The following RELN variants were observed in gnomAD, a reference collection of about 807,000 sequenced individuals.
RELN encodes reelin.
In RELN, 108 loss-of-function variants were observed where a neutral mutation model predicts 427.6. The ratio of observed to expected loss-of-function variants is 0.25; its 90% CI spans 0.22 to 0.30. The LOEUF is 0.30. Among genes scored for constraint, RELN ranks in the 10% least tolerant of loss-of-function variants. The probability of loss-of-function intolerance (pLI) is 1.00; values close to 1 mark genes in which losing one functional copy is unlikely to be tolerated. For synonymous variants in RELN, 1,524 were observed against 1,513.4 expected, an observed-to-expected ratio of 1.01 and a Z score of -0.16; for missense variants, 3,715 against 4,302.8, an observed-to-expected ratio of 0.86 and a Z score of 3.82.
intron 3 of RELN, among the ~76,000 whole-genome samples, chr7:103,780,133 T>C (rs1407421934): frequency 6.6e-6 from 1 of 152,240 alleles, no homozygotes; most frequent in Admixed American, 6.5e-5. Flanking sequence ...CTTCTCATCA[T>C]TTCCGTTGGA....
At chr7:103,675,393 CA>C (rs1833494365) in intron 11 of RELN, among the ~76,000 whole-genome samples, 1 of 152,136 alleles carries the variant, frequency 6.6e-6, no homozygotes, top group African/African-American at 2.4e-5. Context: ...AAAGAGGACA[CA>C]AACAAATGGA....
At chr7:103,866,067 T>C (rs1294204913) in intron 2 of RELN, among the ~76,000 whole-genome samples, 1 of 152,106 alleles carries the variant, frequency 6.6e-6, no homozygotes, top group East Asian at 1.9e-4. Context: ...GTATGTTACA[T>C]GGATCAAATG....
chr7:103,649,410 C>T (rs11981312), intron 16 of RELN, among the ~76,000 whole-genome samples: 54,505 of 151,712 alleles, frequency 0.36, 10,204 homozygotes, highest in African/African-American at 0.47. Flanking sequence ...AGTAGAATAA[C>T]AGGCACTGGA....
intron 2 of RELN, among the ~76,000 whole-genome samples, chr7:103,885,201 T>C (rs1584331793): frequency 6.6e-6 from 1 of 152,148 alleles, no homozygotes; most frequent in Admixed American, 6.5e-5. Context: ...TAGCCAGGCA[T>C]GGTAGCGGGT....
At chr7:103,474,734 C>T (rs542920823) in intron 64 of RELN, among the ~76,000 whole-genome samples, 45 of 151,786 alleles carry the variant, frequency 3.0e-4, no homozygotes, top group African/African-American at 1.0e-3. Context: ...CATCCTCAGT[C>T]GCCTTATAGT....
intron 8 of RELN, among the ~76,000 whole-genome samples, chr7:103,706,237 G>A (rs1489796154): frequency 3.3e-5 from 5 of 149,614 alleles, no homozygotes; most frequent in East Asian, 1.9e-4. Context: ...AAAAAAAAAA[G>A]GAGCTGCTCT....
At chr7:103,558,076 C>A (rs1272775292) in intron 36 of RELN, 27 bp from the exon 37 acceptor site, 1 of 1,206,740 alleles carries the variant, frequency 8.3e-7, no homozygotes, top group African/African-American at 1.5e-5. Flanking sequence ...ATACGTTAAG[C>A]AACTTTTTTT....
At chr7:103,579,535 G>C (rs1255080360) in intron 28 of RELN, among the ~76,000 whole-genome samples, 2 of 150,332 alleles carry the variant, frequency 1.3e-5, no homozygotes, top group Non-Finnish European at 2.9e-5. Flanking sequence ...GGAGATGGAG[G>C]TTGCAGTGAG....
intron 16 of RELN, among the ~76,000 whole-genome samples, chr7:103,642,417 C>G (rs1391936837): frequency 9.6e-6 from 1 of 103,712 alleles, no homozygotes; most frequent in African/African-American, 3.5e-5. Context: ...TCCTTTTCTT[C>G]CCTTGTAAAA....
At chr7:103,932,829 G>A (rs914066642) in intron 1 of RELN, among the ~76,000 whole-genome samples, 4 of 152,172 alleles carry the variant, frequency 2.6e-5, no homozygotes, top group African/African-American at 9.7e-5. Context: ...GGCAGCTCCT[G>A]GGGGCAGTTA....
chr7:103,901,637 G>A (rs1293964049), intron 2 of RELN, among the ~76,000 whole-genome samples: 1 of 151,972 alleles, frequency 6.6e-6, no homozygotes, highest in Admixed American at 6.6e-5. Context: ...AGTGAAAGAA[G>A]CTAGTCACAA....
At chr7:103,501,025 G>A in intron 52 of RELN, 103 bp from the exon 53 acceptor site, 2 of 1,027,192 alleles carry the variant, frequency 1.9e-6, no homozygotes, top group Non-Finnish European at 3.0e-6. Context: ...AAACATTTAA[G>A]ATACTCTTAC....
intron 1 of RELN, among the ~76,000 whole-genome samples, chr7:103,946,186 C>A (rs1202456146): frequency 6.6e-6 from 1 of 152,150 alleles, no homozygotes; most frequent in Non-Finnish European, 1.5e-5. Flanking sequence ...GATAGTAGAA[C>A]ACCTAAAAAT....
At position 103,472,112 on chromosome 7, in the gene RELN, A is replaced by G. The variant is rs1019707416; in HGVS notation, c.*700T>C. The stretch of plus-strand genomic sequence containing the variant: ...AAATGGGAACTTATTTGTGGGAGAT[A>G]GGGTCTTCATCCACAATTTAAAGTA... On this transcript the variant is annotated 3_prime_UTR_variant, in exon 65 of 65. Transcript: ENST00000428762. The G allele has an allele frequency of 6.6e-6, 1 of 152,510 alleles. No homozygotes were observed. Among genetic ancestry groups the G allele is most frequent in the Non-Finnish European group, 1.5e-5 (1 of 68,096 alleles). 9.4% of individuals were successfully genotyped at this position (152,510 alleles called of 1,614,324 possible).
chr7:103,650,523 T>C, intron 15 of RELN, 140 bp from the exon 16 acceptor site: 1 of 716,214 alleles, frequency 1.4e-6, no homozygotes, highest in Non-Finnish European at 2.6e-6. Flanking sequence ...AATTCACTTG[T>C]GGAATTTGTT....
chr7:103,733,816 G>A (rs1479817496), intron 6 of RELN, among the ~76,000 whole-genome samples: 3 of 151,462 alleles, frequency 2.0e-5, no homozygotes, highest in African/African-American at 7.3e-5. Context: ...GGGAGGGATA[G>A]CATTGGGAGA....
chr7:103,579,101 C>T (rs939221879), intron 28 of RELN, among the ~76,000 whole-genome samples: 3 of 152,166 alleles, frequency 2.0e-5, no homozygotes, highest in Non-Finnish European at 4.4e-5. Flanking sequence ...TGGTTCCTGC[C>T]TTCATGTAGC....
At chr7:103,814,278 CAGAG>C (rs1246470525) in intron 3 of RELN, among the ~76,000 whole-genome samples, 1 of 152,102 alleles carries the variant, frequency 6.6e-6, no homozygotes, top group Admixed American at 6.6e-5. Context: ...TGGATGGCAA[CAGAG>C]AGAAGACATT....
In RELN at chr7:103,672,539, G is replaced by C. The variant is rs537937462; in HGVS notation, c.1289+9577C>G. ...TAGCACCTAGGTCAAAAGAAAATCA[G>C]AAAAAGGAGGAAGTAGTACATCTCT... On this transcript the variant is annotated intron_variant, in intron 11 of 64. Transcript: ENST00000428762. 1.4e-4 allele frequency among the ~76,000 whole-genome samples: 21 copies of C among 152,150 alleles called. No individual in the cohort carries two copies. The South Asian group carries it at 3.9e-3, about 29-fold the overall frequency.
Sources: gnomAD v4.1 joint callset for allele counts (sites outside exome capture counted in the v4.1 genomes callset) on GRCh38, gnomAD v4.1.1 for gene constraint, MANE v1.5 for transcripts, NCBI Gene and HGNC (gene_info 2026-07-23, HGNC 2026-07-21) for gene names.